FHIP1A: variants seen among roughly 807,000 people sequenced by gnomAD.
FHIP1A encodes FHF complex subunit HOOK-interacting protein 1A.
In FHIP1A, 61 loss-of-function variants were observed where a neutral mutation model predicts 88.6. The observed-to-expected ratio is 0.69, with a 90% CI of 0.56 to 0.85. The LOEUF (loss-of-function observed/expected upper bound fraction) is 0.85. FHIP1A is among the 40% of genes least tolerant of loss of function. The pLI is 0.00. For synonymous variants in FHIP1A, 478 were observed against 496.0 expected (o/e 0.96, Z 0.48); for missense variants, 1,154 against 1,273.5 (o/e 0.91, Z 1.43).
Position 151,646,555 on chromosome 4 carries a change from T to G in FHIP1A, c.1227-3T>G. 2 of 1,549,246 alleles carry G rather than the reference T, an allele frequency of 1.3e-6. No homozygotes were observed. Among genetic ancestry groups the G allele is most frequent in the Non-Finnish European group, 1.7e-6 (2 of 1,145,086 alleles). The stretch of plus-strand genomic sequence containing the variant: ...CAAACGCTTGTTCTTTTTGTCATTC[T>G]AGGTATCTGATCCCCTGCAATCACA... On this transcript the variant is annotated splice_polypyrimidine_tract_variant and splice_region_variant and intron_variant, in intron 9 of 13. Transcript: ENST00000435205.
rs530922954 is a variant in FHIP1A at position 151,610,350 on chromosome 4, C to T, written c.979-19352C>T. Among the ~76,000 whole-genome samples, 4 of 152,282 alleles carry T rather than the reference C, an allele frequency of 2.6e-5. No homozygotes were observed. The South Asian group carries it at 8.3e-4, about 32-fold the overall frequency. On this transcript the variant is annotated intron_variant, in intron 7 of 13. Coordinates refer to ENST00000435205, the MANE Select transcript of FHIP1A (RefSeq NM_001109977.3). ...CAGCTCTTTTGTTCCCACTCCATGCCACCCCATAATGCCACCATCTAGTGG... is the reference window on the plus strand; with the variant it reads ...CAGCTCTTTTGTTCCCACTCCATGCTACCCCATAATGCCACCATCTAGTGG...
chr4:151,512,499 A>G (rs1731077302), intron 3 of FHIP1A, among the ~76,000 whole-genome samples: 1 of 152,114 alleles, frequency 6.6e-6, no homozygotes, highest in Non-Finnish European at 1.5e-5. Flanking sequence ...TGATCAAACT[A>G]CTCCGAGCTA....
intron 2 of FHIP1A, among the ~76,000 whole-genome samples, chr4:151,458,341 A>G (rs1729036414): frequency 6.6e-6 from 1 of 152,184 alleles, no homozygotes; most frequent in African/African-American, 2.4e-5. Flanking sequence ...CAGGCCTGGA[A>G]AAAGGGGCAG....
chr4:151,429,206 G>T (rs1465697945), intron 1 of FHIP1A, among the ~76,000 whole-genome samples: 1 of 152,172 alleles, frequency 6.6e-6, no homozygotes, highest in Non-Finnish European at 1.5e-5. Flanking sequence ...CCACCTGGCT[G>T]TACACTTCAT....
At position 151,650,252 on chromosome 4, in the gene FHIP1A, C is replaced by T; in HGVS notation, c.2211C>T (p.His737=). 2 of 1,551,744 alleles carry T rather than the reference C, an allele frequency of 1.3e-6. No individual in the cohort carries two copies. The highest frequency in any genetic ancestry group is 1.7e-6 in the Non-Finnish European group (2 of 1,147,002). ...CATCCCCTGCCCCTGAGGCAGAGCA[C>T]AGCTCTAACCTGACAGCCGCCCACC... The part of the protein sequence containing the change: ...ELASPAPEAE[H]SSNLTAAHPE... Residue 737 remains histidine (H), a synonymous_variant, in exon 11 of 14, where the codon CAC becomes CAT. Transcript: ENST00000435205.
chr4:151,577,329 C>A, intron 4 of FHIP1A, 121 bp from the exon 5 acceptor site: 1 of 833,928 alleles, frequency 1.2e-6, no homozygotes, highest in Non-Finnish European at 1.9e-6. Flanking sequence ...ACAATGCCCA[C>A]ACATATCTTG....
intron 2 of FHIP1A, among the ~76,000 whole-genome samples, chr4:151,459,658 G>A (rs1729082374): frequency 6.6e-6 from 1 of 152,178 alleles, no homozygotes. Context: ...AAGAGCAAAT[G>A]GTTTGGGGTT....
intron 3 of FHIP1A, among the ~76,000 whole-genome samples, chr4:151,513,541 T>C (rs1267308417): frequency 6.6e-6 from 1 of 152,072 alleles, no homozygotes; most frequent in Non-Finnish European, 1.5e-5. Context: ...CATCAGTGTG[T>C]TGTATTCAGG....
Position 151,669,048 on chromosome 4 carries a change from C to CCCT in FHIP1A, c.*6294_*6295insCCT. Among the ~76,000 whole-genome samples, 1 of 152,338 alleles carries CCCT rather than the reference C, an allele frequency of 6.6e-6. No individual in the cohort carries two copies. The highest frequency in any genetic ancestry group is 1.9e-4 in the East Asian group (1 of 5,188). On this transcript the variant is annotated 3_prime_UTR_variant, in exon 14 of 14. Coordinates refer to ENST00000435205, the MANE Select transcript of FHIP1A (RefSeq NM_001109977.3). Reference sequence around the variant, plus strand: ...GAACCAGTAGACCAGACTAAACGCACACTCATGCAAGAATGTAAAATTGTA... The same window carrying CCCT: ...GAACCAGTAGACCAGACTAAACGCACCCTACTCATGCAAGAATGTAAAATTGTA...
chr4:151,578,050 A>G lies in FHIP1A; in HGVS notation c.706A>G (p.Ile236Val), dbSNP rs1255058437. ...TGAGAACACCATGGTGGCCCATCAC[A>G]TCGTGGAGAACACCTACTTTTGTCC... ...SAENTMVAHH[I>V]VENTYFCPVL... is the part of the protein sequence containing the mutation. The change falls in exon 5 of 14, where the codon ATC becomes GTC. Residue 236 changes from isoleucine (I) to valine (V), a missense_variant. Coordinates refer to ENST00000435205, the MANE Select transcript of FHIP1A (RefSeq NM_001109977.3). 2.6e-6 allele frequency: 4 copies of G among 1,550,556 alleles called. No homozygotes were observed. Among genetic ancestry groups the G allele is most frequent in the South Asian group, 1.2e-5 (1 of 84,020 alleles).
chr4:151,464,670 A>C (rs1294361645), intron 2 of FHIP1A, among the ~76,000 whole-genome samples: 1 of 152,186 alleles, frequency 6.6e-6, no homozygotes, highest in Non-Finnish European at 1.5e-5. Flanking sequence ...AGTCATCAGG[A>C]AGCTTATTGT....
chr4:151,634,923 G>T (rs12650655), intron 8 of FHIP1A, among the ~76,000 whole-genome samples: 1 of 151,306 alleles, frequency 6.6e-6, no homozygotes, highest in African/African-American at 2.4e-5. Flanking sequence ...CAACTTAGGC[G>T]TATCAAATGA....
intron 7 of FHIP1A, among the ~76,000 whole-genome samples, chr4:151,596,349 C>T (rs1218328505): frequency 6.6e-6 from 1 of 152,108 alleles, no homozygotes; most frequent in Non-Finnish European, 1.5e-5. Context: ...AATGTTGGCC[C>T]CCAGTCTCCT....
chr4:151,606,253 G>A (rs1406084058), intron 7 of FHIP1A, among the ~76,000 whole-genome samples: 1 of 152,174 alleles, frequency 6.6e-6, no homozygotes, highest in Non-Finnish European at 1.5e-5. Context: ...CTTCCCGTTG[G>A]ATTTTTGGAT....
At chr4:151,573,182 A>G (rs1047932567) in intron 4 of FHIP1A, among the ~76,000 whole-genome samples, 1 of 152,130 alleles carries the variant, frequency 6.6e-6, no homozygotes, top group Non-Finnish European at 1.5e-5. Context: ...CATTGTTCAC[A>G]CTGTTGATTT....
chr4:151,472,319 TAAA>T (rs1729550398), intron 2 of FHIP1A, among the ~76,000 whole-genome samples: 2 of 152,112 alleles, frequency 1.3e-5, no homozygotes, highest in African/African-American at 4.8e-5. Context: ...TTTTGTACTT[TAAA>T]AAATTTGAGA....
chr4:151,544,013 G>A (rs760090332), intron 3 of FHIP1A, among the ~76,000 whole-genome samples: 1 of 152,158 alleles, frequency 6.6e-6, no homozygotes, highest in African/African-American at 2.4e-5. Context: ...TAGGGCAAGT[G>A]TCATGGCTCA....
At chr4:151,593,436 C>T (rs1734519977) in intron 7 of FHIP1A, among the ~76,000 whole-genome samples, 1 of 152,156 alleles carries the variant, frequency 6.6e-6, no homozygotes, top group South Asian at 2.1e-4. Context: ...TCTCTTATTT[C>T]CTTGAGCAGT....
chr4:151,659,481 C>T (rs1737372712), intron 13 of FHIP1A, among the ~76,000 whole-genome samples: 1 of 152,188 alleles, frequency 6.6e-6, no homozygotes, highest in Non-Finnish European at 1.5e-5. Flanking sequence ...TGTCTGTGTG[C>T]TCTGCCCTTT....
Sources: allele counts gnomAD v4.1 joint callset (sites outside exome capture counted in the v4.1 genomes callset), GRCh38; gene constraint gnomAD v4.1.1; transcripts MANE v1.5; gene names NCBI Gene and HGNC (gene_info 2026-07-23, HGNC 2026-07-21).